HOOK2: variants seen among roughly 807,000 people sequenced by gnomAD.
HOOK2 encodes hook microtubule tethering protein 2, also known as protein Hook homolog 2.
In HOOK2, 108 loss-of-function variants were observed where a neutral mutation model predicts 111.9. The observed-to-expected ratio is 0.96, with a 90% CI of 0.83 to 1.13. The LOEUF is 1.13. Among genes scored for constraint, HOOK2 ranks in the 50% most tolerant of loss-of-function variants. HOOK2 has a pLI of 0.00. For missense variants in HOOK2, 978 were observed against 951.3 expected (o/e 1.03, Z -0.37); for synonymous variants, 405 against 394.3 (o/e 1.03, Z -0.32).
chr19:12,772,604 C>T lies in HOOK2; in HGVS notation c.456+9G>A. On this transcript the variant is annotated intron_variant, in intron 6 of 22. Transcript: ENST00000397668. ...ATTTTCCAATTGCACACTGAGTGCCCCCACCCACCTCTTGGATGGCTTCCA... is the reference window on the plus strand; with the variant it reads ...ATTTTCCAATTGCACACTGAGTGCCTCCACCCACCTCTTGGATGGCTTCCA... 6.2e-7 allele frequency: 1 copy of T among 1,613,778 alleles called. No individual in the cohort carries two copies.
intron 10 of HOOK2, 107 bp from the exon 11 acceptor site, chr19:12,770,189 G>T (rs1968276050): frequency 9.9e-7 from 1 of 1,014,766 alleles, no homozygotes; most frequent in Non-Finnish European, 1.4e-6. Context: ...TGAGGCTTTT[G>T]GGTTCAAGGT....
upstream of HOOK2, among the ~76,000 whole-genome samples, chr19:12,778,782 G>T (rs1005989510): frequency 6.6e-6 from 1 of 152,176 alleles, no homozygotes; most frequent in African/African-American, 2.4e-5. Flanking sequence ...AGATGTTCGG[G>T]GAGCCAGGAG....
rs752832270 is a variant in HOOK2, at chr19:12,772,209, T to C, written c.500A>G (p.Tyr167Cys). 1.6e-5 allele frequency: 26 copies of C among 1,613,712 alleles called. No homozygotes were observed. Among genetic ancestry groups the C allele is most frequent in the Non-Finnish European group, 1.9e-5 (22 of 1,179,680 alleles). Residue 167 changes from tyrosine (Y) to cysteine (C), a missense_variant, in exon 7 of 23, where the codon TAT becomes TGT. Around this residue, in one of 5 missense-constraint regions of HOOK2, gnomAD observed 301 missense variants for 286.1 expected, o/e 1.05. Coordinates refer to ENST00000397668, the MANE Select transcript of HOOK2 (RefSeq NM_013312.3). ...DTPDSLSPET[Y>C]GNFDSQSRRY... The stretch of plus-strand genomic sequence containing the variant: ...TCTTACCTGGCTGTCAAAGTTGCCA[T>C]ACGTCTCTGGTGACAGGGAGTCAGG...
Position 12,764,243 on chromosome 19 carries a change from G to A in HOOK2, c.1828-465C>T, listed in dbSNP as rs563780466. 3.7e-5 allele frequency: 6 copies of A among 163,702 alleles called. No individual in the cohort carries two copies. In the South Asian group the frequency reaches 9.3e-4, roughly 25 times the overall value. 10.1% of individuals were successfully genotyped at this position (163,702 alleles called of 1,614,324 possible). A position where few individuals can be genotyped will look rare whatever the true frequency, so the allele number is the denominator to read the frequency against. ...TTGGCCAGGCTGCTCTCGAACTCCT[G>A]ACCTCAAGGGATCAGCTGCTTCAGC... is the stretch of plus-strand genomic sequence containing the variant. On this transcript the variant is annotated intron_variant, in intron 20 of 22. Coordinates refer to ENST00000397668, the MANE Select transcript of HOOK2 (RefSeq NM_013312.3).
chr19:12,766,973 C>T (rs1968172727), intron 14 of HOOK2, among the ~76,000 whole-genome samples: 1 of 152,196 alleles, frequency 6.6e-6, no homozygotes. Flanking sequence ...AAGTGATCCT[C>T]CAGCTTCGGC....
chr19:12,774,880 A>T lies in HOOK2; in HGVS notation c.63T>A (p.Val21=). The change falls in exon 2 of 23, where the codon GTT becomes GTA. Residue 21 remains valine, a synonymous_variant. Coordinates refer to ENST00000397668, the MANE Select transcript of HOOK2 (RefSeq NM_013312.3). ...SLLTWLQTFH[V]PSPCASPQDL... Reference sequence around the variant, plus strand: ...CCTGAGGGCTGGCACAGGGAGACGGAACGTGGAACGTCTGTAACTGAGGGG... The same window carrying T: ...CCTGAGGGCTGGCACAGGGAGACGGTACGTGGAACGTCTGTAACTGAGGGG... The T allele has an allele frequency of 6.2e-7, 1 of 1,613,990 alleles. No homozygotes were observed. Among genetic ancestry groups the T allele is most frequent in the Non-Finnish European group, 8.5e-7 (1 of 1,179,908 alleles).
chr19:12,769,017 G>A (rs963306077), intron 11 of HOOK2, among the ~76,000 whole-genome samples: 5 of 147,998 alleles, frequency 3.4e-5, no homozygotes, highest in Middle Eastern at 7.2e-3. Flanking sequence ...CCAGCCTGGA[G>A]TGCAGTAGCA....
chr19:12,772,554 C>G, intron 6 of HOOK2, 59 bp downstream of exon 6: 1 of 1,572,250 alleles, frequency 6.4e-7, no homozygotes, highest in Non-Finnish European at 8.7e-7. Flanking sequence ...GTTCTCTCTG[C>G]CCTAGAGATG....
At chr19:12,766,495 T>C (rs566943038) in intron 14 of HOOK2, 1 of 453,390 alleles carries the variant, frequency 2.2e-6, no homozygotes, top group Non-Finnish European at 3.9e-6. Flanking sequence ...ACAGCTGGGA[T>C]GGGACTGCTG....
chr19:12,770,888 A>AC, intron 10 of HOOK2, 44 bp downstream of exon 10: 4 of 1,559,686 alleles, frequency 2.6e-6, no homozygotes, highest in Non-Finnish European at 3.5e-6. Flanking sequence ...AAACAGGTTT[A>AC]CCCCCCGCCC....
At chr19:12,780,504 C>T (rs1968589076), upstream of HOOK2, among the ~76,000 whole-genome samples, 1 of 151,032 alleles carries the variant, frequency 6.6e-6, no homozygotes, top group Non-Finnish European at 1.5e-5. Context: ...CTACAGGCGC[C>T]CGCCACCAGG....
upstream of HOOK2, among the ~76,000 whole-genome samples, chr19:12,776,417 C>T (rs939619326): frequency 2.0e-5 from 3 of 151,806 alleles, no homozygotes; most frequent in South Asian, 6.2e-4. Context: ...AGCGGTGGCT[C>T]ACGCCTGTAA....
At chr19:12,783,495 C>T (rs942537557) in intron 3 of HOOK2, among the ~76,000 whole-genome samples, 10 of 151,576 alleles carry the variant, frequency 6.6e-5, no homozygotes, top group Non-Finnish European at 1.5e-4. Context: ...CAGAGCAAGC[C>T]GGCGCCCCCC....
chr19:12,775,558 GCCGCC>G (rs1489016307), upstream of HOOK2: 17 of 1,140,792 alleles, frequency 1.5e-5, no homozygotes, highest in South Asian at 2.1e-5. Context: ...GGCCTAGAGC[GCCGCC>G]CCGCCCCGCC....
rs773166705 is a variant in HOOK2 at position 12,771,466 on chromosome 19, G to T, written c.531C>A (p.Tyr177Ter). ...YGNFDSQSRR[Y>*]YFLSEEAEEG... The stretch of plus-strand genomic sequence containing the variant: ...CCTCAGCCTCCTCACTTAGGAAATA[G>T]TACCTGCGGGACTGCAGAGATGAGG... The change falls in exon 8 of 23, where the codon TAC (tyrosine) becomes TAA (stop). Residue 177 changes from tyrosine to a stop codon, truncating the protein, a stop_gained. Transcript: ENST00000397668. LOFTEE classifies it high-confidence loss of function. 6.2e-7 allele frequency: 1 copy of T among 1,612,284 alleles called. No homozygotes were observed. The highest frequency in any genetic ancestry group is 1.7e-5 in the Admixed American group (1 of 59,788).
upstream of HOOK2, among the ~76,000 whole-genome samples, chr19:12,779,864 T>C (rs1399025630): frequency 6.6e-6 from 1 of 152,126 alleles, no homozygotes; most frequent in Admixed American, 6.6e-5. Context: ...AACATCCAGG[T>C]TGGGGCCGGG....
At position 12,765,813 on chromosome 19, in the gene HOOK2, G is replaced by A; in HGVS notation, c.1605+16C>T. ...GGTGAGGGTAGGGGGTGCCATCCTG[G>A]GCCCATGGTACTTACAATGGCCTGT... On this transcript the variant is annotated intron_variant, in intron 17 of 22. Transcript: ENST00000397668. 2 of 1,613,414 alleles carry A rather than the reference G, an allele frequency of 1.2e-6. No homozygotes were observed. Among genetic ancestry groups the A allele is most frequent in the Non-Finnish European group, 1.7e-6 (2 of 1,179,426 alleles).
chr19:12,770,708 G>T (rs73925209), intron 10 of HOOK2, among the ~76,000 whole-genome samples: 2 of 143,942 alleles, frequency 1.4e-5, no homozygotes, highest in African/African-American at 2.5e-5. Flanking sequence ...GTGGGATAAG[G>T]GGGGGGCAGT....
At chr19:12,785,323 T>TATA (rs1968645712) in intron 3 of HOOK2, among the ~76,000 whole-genome samples, 1 of 145,324 alleles carries the variant, frequency 6.9e-6, no homozygotes, top group South Asian at 2.2e-4. Context: ...CACCAGATCG[T>TATA]ATACACACAT....
Sources: allele counts gnomAD v4.1 joint callset (sites outside exome capture counted in the v4.1 genomes callset), GRCh38; gene constraint gnomAD v4.1.1; regional missense constraint gnomAD v4.1.1; transcripts MANE v1.5; gene names NCBI Gene and HGNC (gene_info 2026-07-23, HGNC 2026-07-21).